The following ATL1 variants were observed in gnomAD, a reference collection of about 807,000 sequenced individuals.
ATL1 encodes the protein atlastin GTPase 1, also known as atlastin-1.
A neutral mutation model predicts 75.5 loss-of-function variants in ATL1; 31 were observed. That is an observed-to-expected ratio of 0.41 (90% CI 0.31 to 0.55). ATL1 has a LOEUF of 0.55. ATL1 is among the 20% of genes least tolerant of loss of function. The pLI, the probability that ATL1 is intolerant of heterozygous loss-of-function variation, is 0.27. For missense variants in ATL1, 405 were observed against 662.6 expected (o/e 0.61, Z 4.27); for synonymous variants, 226 against 233.3 (o/e 0.97, Z 0.28).
chr14:50,547,897 C>T (rs959361156), intron 1 of ATL1, among the ~76,000 whole-genome samples: 16 of 152,186 alleles, frequency 1.1e-4, no homozygotes, highest in African/African-American at 3.6e-4. Context: ...CAAAAGGATA[C>T]CTGCACAACC....
intron 1 of ATL1, among the ~76,000 whole-genome samples, chr14:50,586,340 C>CA (rs2039101955): frequency 6.6e-6 from 1 of 152,152 alleles, no homozygotes; most frequent in Non-Finnish European, 1.5e-5. Flanking sequence ...AGACTGCCAG[C>CA]AGGGCTGGGT....
At position 50,589,128 on chromosome 14, in the gene ATL1, C is replaced by A. The variant is rs189187965; in HGVS notation, c.282+1050C>A. ...GCATCATTACATGGTGATATGGTGA[C>A]AGATATATTTTTTCTTTTCTTTCTT... is the stretch of plus-strand genomic sequence containing the variant. On this transcript the variant is annotated intron_variant, in intron 2 of 13. Coordinates refer to ENST00000358385, the MANE Select transcript of ATL1 (RefSeq NM_015915.5). Among the ~76,000 whole-genome samples the A allele has an allele frequency of 1.3e-4, 20 of 148,570 alleles. No homozygotes were observed. The East Asian group carries it at 3.7e-3, about 28-fold the overall frequency.
Position 50,620,582 on chromosome 14 carries a change from T to C in ATL1, c.863-17T>C. ...GAAGGATTCCAAAAATAATAATGGA[T>C]TTGCTTTTACTTGTAGAAATAGATG... On this transcript the variant is annotated splice_polypyrimidine_tract_variant and intron_variant, in intron 8 of 13. Transcript: ENST00000358385. The C allele has an allele frequency of 6.2e-7, 1 of 1,609,094 alleles. No individual in the cohort carries two copies. Among genetic ancestry groups the C allele is most frequent in the Non-Finnish European group, 8.5e-7 (1 of 1,176,792 alleles).
intron 9 of ATL1, 101 bp from the exon 10 acceptor site, chr14:50,621,742 A>G (rs2039468552): frequency 2.6e-6 from 2 of 762,808 alleles, no homozygotes; most frequent in South Asian, 1.6e-5. Context: ...AGTTCCTGAA[A>G]ATATTTTTTG....
At chr14:50,603,057 A>G (rs2039285611) in intron 6 of ATL1, among the ~76,000 whole-genome samples, 1 of 152,180 alleles carries the variant, frequency 6.6e-6, no homozygotes, top group Non-Finnish European at 1.5e-5. Flanking sequence ...TTCTATGTAC[A>G]TTTCTGTGTA....
chr14:50,632,768 G>T lies in ATL1; in HGVS notation c.*429G>T, dbSNP rs2140243543. The T allele has an allele frequency of 5.3e-6, 1 of 187,428 alleles. No individual in the cohort carries two copies. The highest frequency in any genetic ancestry group is 1.1e-5 in the Non-Finnish European group (1 of 89,056). 11.6% of individuals were successfully genotyped at this position (187,428 alleles called of 1,614,324 possible). A position where few individuals can be genotyped will look rare whatever the true frequency, so the allele number is the denominator to read the frequency against. On this transcript the variant is annotated 3_prime_UTR_variant, in exon 14 of 14. Coordinates refer to ENST00000358385, the MANE Select transcript of ATL1 (RefSeq NM_015915.5). ...ACACAGCATCATAACTCAGCAGGCT[G>T]GATTTAATCTGTATCATCTTATATA... is the stretch of plus-strand genomic sequence containing the variant.
In ATL1 at chr14:50,591,659, T is replaced by A. The variant is rs1217826309; in HGVS notation, c.522+20T>A. 1.3e-6 allele frequency: 2 copies of A among 1,548,772 alleles called. No homozygotes were observed. On this transcript the variant is annotated intron_variant, in intron 4 of 13. Coordinates refer to ENST00000358385, the MANE Select transcript of ATL1 (RefSeq NM_015915.5). ...ATACAGGTATGAAATAAGCCCATTT[T>A]GATGATGTTTCTTTAACTAAAAATT...
intron 8 of ATL1, among the ~76,000 whole-genome samples, chr14:50,615,891 G>GTA (rs1183186801): frequency 6.6e-6 from 1 of 152,210 alleles, no homozygotes; most frequent in East Asian, 1.9e-4. Context: ...CATTACTGCA[G>GTA]TATACAGCTA....
chr14:50,613,146 C>T, intron 6 of ATL1, 113 bp from the exon 7 acceptor site: 1 of 824,090 alleles, frequency 1.2e-6, no homozygotes, highest in South Asian at 1.4e-5. Context: ...TTTAATTCAG[C>T]AATGTGGGAA....
chr14:50,593,800 G>A (rs755586890), intron 4 of ATL1, 46 bp from the exon 5 acceptor site: 1 of 1,278,726 alleles, frequency 7.8e-7, no homozygotes, highest in Non-Finnish European at 1.1e-6. Flanking sequence ...AAGTGCTTAG[G>A]ATGATGCCAG....
intron 1 of ATL1, among the ~76,000 whole-genome samples, chr14:50,563,966 A>G (rs187020632): frequency 6.6e-6 from 1 of 152,346 alleles, no homozygotes; most frequent in Non-Finnish European, 1.5e-5. Context: ...TTATAGATCT[A>G]GTATTCAAAT....
At chr14:50,567,327 G>A (rs559847052) in intron 1 of ATL1, among the ~76,000 whole-genome samples, 7 of 152,088 alleles carry the variant, frequency 4.6e-5, no homozygotes, top group Admixed American at 2.0e-4. Flanking sequence ...ATAGCATTCC[G>A]TTGTAAGTAT....
rs1006436647 is a variant in ATL1, at chr14:50,591,965, T to C, written c.522+326T>C. 1.7e-5 allele frequency: 4 copies of C among 231,806 alleles called. No individual in the cohort carries two copies. In the East Asian group the frequency reaches 4.2e-4, roughly 24 times the overall value. 14.4% of individuals were successfully genotyped at this position (231,806 alleles called of 1,614,324 possible). ...ATGCGTATACATTGAGACCATCTAT[T>C]GTAAGTTATGTTTAATGAAACAGTG... is the stretch of plus-strand genomic sequence containing the variant. On this transcript the variant is annotated intron_variant, in intron 4 of 13. Coordinates refer to ENST00000358385, the MANE Select transcript of ATL1 (RefSeq NM_015915.5).
intron 13 of ATL1, among the ~76,000 whole-genome samples, chr14:50,631,276 A>G (rs1337728562): frequency 6.6e-6 from 1 of 152,078 alleles, no homozygotes; most frequent in Non-Finnish European, 1.5e-5. Flanking sequence ...TAAAAAACAA[A>G]AACAAAAACA....
chr14:50,626,310 T>C (rs1370583197), intron 11 of ATL1, among the ~76,000 whole-genome samples: 2 of 152,226 alleles, frequency 1.3e-5, no homozygotes, highest in African/African-American at 2.4e-5. Context: ...CCATTCTGGA[T>C]GCCATGAAGA....
chr14:50,604,029 T>G (rs1020774216), intron 6 of ATL1, among the ~76,000 whole-genome samples: 1 of 152,230 alleles, frequency 6.6e-6, no homozygotes, highest in African/African-American at 2.4e-5. Flanking sequence ...CATGCTTATT[T>G]TGTGCCATGC....
At chr14:50,574,859 A>G (rs1041829805) in intron 1 of ATL1, among the ~76,000 whole-genome samples, 2 of 144,972 alleles carry the variant, frequency 1.4e-5, no homozygotes, top group African/African-American at 5.1e-5. Context: ...GAATTGTTTT[A>G]TTAAAAGGTA....
Position 50,564,240 on chromosome 14 carries a change from A to G in ATL1, c.34+3941A>G, listed in dbSNP as rs1165030387. 3.3e-5 allele frequency among the ~76,000 whole-genome samples: 5 copies of G among 152,344 alleles called. No individual in the cohort carries two copies. The South Asian group carries it at 1.0e-3, about 32-fold the overall frequency. On this transcript the variant is annotated intron_variant, in intron 1 of 13. Transcript: ENST00000358385. ...GCTACCAGAAACAAAACAGAAATGC[A>G]TACTTTGTTTGTTTGTTTTTGTCAA...
At chr14:50,632,181 T>A (rs1436594287) in intron 13 of ATL1, 48 bp from the exon 14 acceptor site, 2 of 1,393,408 alleles carry the variant, frequency 1.4e-6, no homozygotes, top group African/African-American at 2.9e-5. Context: ...AAATTTTACA[T>A]CTGTGTGTTT....
Sources: allele counts gnomAD v4.1 joint callset (sites outside exome capture counted in the v4.1 genomes callset), GRCh38; gene constraint gnomAD v4.1.1; transcripts MANE v1.5; gene names NCBI Gene and HGNC (gene_info 2026-07-23, HGNC 2026-07-21).